Variants in FAM227B observed in about 807,000 individuals in gnomAD.
FAM227B encodes family with sequence similarity 227 member B, also known as protein FAM227B.
In FAM227B, 88 loss-of-function variants were observed where a neutral mutation model predicts 73.8. The ratio of observed to expected loss-of-function variants is 1.19; its 90% CI spans 1.00 to 1.42. The LOEUF (loss-of-function observed/expected upper bound fraction) is 1.42. FAM227B is among the 40% of genes most tolerant of loss of function. The probability of loss-of-function intolerance (pLI) is 0.00; values close to 1 mark genes in which losing one functional copy is unlikely to be tolerated. For synonymous variants in FAM227B, 210 were observed against 190.5 expected, an observed-to-expected ratio of 1.10 and a Z score of -0.84; for missense variants, 632 against 590.9, an observed-to-expected ratio of 1.07 and a Z score of -0.72.
At chr15:49,485,527 G>A (rs2056334235) in intron 11 of FAM227B, 1 of 151,990 alleles carries the variant, frequency 6.6e-6, no homozygotes, top group South Asian at 2.1e-4. Flanking sequence ...AATTTTAAAG[G>A]AATAACAAAA....
chr15:49,447,266 T>C (rs1041273786), intron 11 of FAM227B, among the ~76,000 whole-genome samples: 3 of 151,698 alleles, frequency 2.0e-5, no homozygotes, highest in Admixed American at 1.3e-4. Context: ...AGCTTGAGAA[T>C]ATTAACTAAG....
intron 13 of FAM227B, among the ~76,000 whole-genome samples, chr15:49,344,745 G>A (rs1354559288): frequency 6.6e-6 from 1 of 152,118 alleles, no homozygotes; most frequent in South Asian, 2.1e-4. Flanking sequence ...CACTTTGGCT[G>A]TCACAGACTG....
At chr15:49,397,402 G>C (rs1596872418) in intron 11 of FAM227B, among the ~76,000 whole-genome samples, 3 of 152,064 alleles carry the variant, frequency 2.0e-5, no homozygotes, top group Admixed American at 6.5e-5. Flanking sequence ...GGGGAGAATG[G>C]AACCAAGTTG....
rs149188677 is a variant in FAM227B, at chr15:49,410,961, A to AGTGT, written c.1013-39566_1013-39563dup. Among the ~76,000 whole-genome samples the AGTGT allele has an allele frequency of 2.8e-3, 321 of 114,472 alleles. 4 individuals carry two copies. In the South Asian group the frequency reaches 0.029, roughly 10 times the overall value. 75.1% of individuals were successfully genotyped at this position (114,472 alleles called of 152,430 possible). On this transcript the variant is annotated intron_variant, in intron 11 of 15. Transcript: ENST00000299338. ...GGGAATGACAGAAAAAGCATTTGAG[A>AGTGT]GTGTGTGTGTGTGTGTGTGTATGTG... is the stretch of plus-strand genomic sequence containing the variant.
chr15:49,555,547 A>G (rs1364420295), intron 9 of FAM227B, among the ~76,000 whole-genome samples: 1 of 152,186 alleles, frequency 6.6e-6, no homozygotes, highest in Non-Finnish European at 1.5e-5. Flanking sequence ...CTTCTTGTAT[A>G]GTATTTTGCA....
chr15:49,610,596 A>G (rs958509635), intron 3 of FAM227B, among the ~76,000 whole-genome samples: 2 of 152,116 alleles, frequency 1.3e-5, no homozygotes, highest in African/African-American at 4.8e-5. Context: ...AAATACAAAC[A>G]TATCTAATTA....
At chr15:49,517,834 C>T (rs1039064632) in intron 10 of FAM227B, among the ~76,000 whole-genome samples, 1 of 152,158 alleles carries the variant, frequency 6.6e-6, no homozygotes, top group African/African-American at 2.4e-5. Flanking sequence ...ACTACTAACA[C>T]AATAGATTAG....
chr15:49,411,797 G>C (rs987074726), intron 11 of FAM227B, among the ~76,000 whole-genome samples: 13 of 152,086 alleles, frequency 8.5e-5, no homozygotes, highest in African/African-American at 3.1e-4. Flanking sequence ...CATTCAAATT[G>C]GGCTTTGAAT....
intron 3 of FAM227B, among the ~76,000 whole-genome samples, chr15:49,599,608 A>G (rs902862083): frequency 2.6e-5 from 4 of 152,098 alleles, no homozygotes; most frequent in African/African-American, 9.7e-5. Context: ...GTTGCATTCC[A>G]TAAGTTTTGG....
rs559846824 is a variant in FAM227B at position 49,583,928 on chromosome 15, G to C, written c.405+4088C>G. 8.7e-4 allele frequency among the ~76,000 whole-genome samples: 133 copies of C among 152,190 alleles called. 5 individuals are homozygous for C. In the South Asian group the frequency reaches 0.026, roughly 30 times the overall value. ...ATAAATTCACAACTGAATTCTACCAGATGTACAAAGAAGGGCTGGTACCAT... is the reference window on the plus strand; with the variant it reads ...ATAAATTCACAACTGAATTCTACCACATGTACAAAGAAGGGCTGGTACCAT... On this transcript the variant is annotated intron_variant, in intron 5 of 15. Coordinates refer to ENST00000299338, the MANE Select transcript of FAM227B (RefSeq NM_152647.3).
intron 14 of FAM227B, 66 bp from the exon 15 acceptor site, chr15:49,331,915 G>A: frequency 1.1e-6 from 1 of 895,140 alleles, no homozygotes; most frequent in Non-Finnish European, 1.9e-6. Flanking sequence ...CATCTAAATA[G>A]CCAACATTTA....
intron 13 of FAM227B, among the ~76,000 whole-genome samples, chr15:49,357,980 C>A (rs2043469323): frequency 6.6e-6 from 1 of 151,902 alleles, no homozygotes; most frequent in African/African-American, 2.4e-5. Context: ...GAGCCAAAGA[C>A]AAAAACCACA....
At chr15:49,519,075 T>C (rs372145369) in intron 10 of FAM227B, among the ~76,000 whole-genome samples, 5 of 152,216 alleles carry the variant, frequency 3.3e-5, no homozygotes, top group Non-Finnish European at 4.4e-5. Flanking sequence ...CCCATGCAAG[T>C]CTGAAATCCA....
intron 11 of FAM227B, among the ~76,000 whole-genome samples, chr15:49,430,892 G>C (rs2050553295): frequency 1.3e-5 from 2 of 151,878 alleles, no homozygotes; most frequent in Middle Eastern, 3.4e-3. Context: ...ACCATAGCAA[G>C]GGTCTATCCA....
At chr15:49,471,661 G>A (rs1406522038) in intron 11 of FAM227B, among the ~76,000 whole-genome samples, 6 of 151,924 alleles carry the variant, frequency 3.9e-5, no homozygotes, top group South Asian at 4.2e-4. Context: ...CAAGAATGGC[G>A]AATCTGGTCT....
At chr15:49,412,561 T>G (rs1167765639) in intron 11 of FAM227B, among the ~76,000 whole-genome samples, 2 of 152,072 alleles carry the variant, frequency 1.3e-5, no homozygotes, top group Non-Finnish European at 2.9e-5. Flanking sequence ...ATTGACTTGT[T>G]TTTTGGCAAC....
chr15:49,507,212 T>C (rs935020077), intron 11 of FAM227B, among the ~76,000 whole-genome samples: 2 of 151,994 alleles, frequency 1.3e-5, no homozygotes, highest in African/African-American at 2.4e-5. Flanking sequence ...GATAAGAATA[T>C]AGAAAACCAC....
chr15:49,373,400 CT>C (rs2045966622), intron 11 of FAM227B, among the ~76,000 whole-genome samples: 1 of 152,000 alleles, frequency 6.6e-6, no homozygotes, highest in African/African-American at 2.4e-5. Flanking sequence ...TATTTATTAG[CT>C]TTTTTTCCTC....
intron 9 of FAM227B, among the ~76,000 whole-genome samples, chr15:49,557,671 T>A (rs1422522287): frequency 6.6e-6 from 1 of 151,862 alleles, no homozygotes; most frequent in African/African-American, 2.4e-5. Context: ...TGGGGGAAGC[T>A]CCCTCACGCA....
Sources: allele counts gnomAD v4.1 joint callset (sites outside exome capture counted in the v4.1 genomes callset), GRCh38; gene constraint gnomAD v4.1.1; transcripts MANE v1.5; gene names NCBI Gene and HGNC (gene_info 2026-07-23, HGNC 2026-07-21).